Variants in LRRC37A2 observed in about 807,000 individuals in gnomAD.
The protein encoded by LRRC37A2 is leucine-rich repeat-containing protein 37A2.
Under a neutral mutation model 68.8 loss-of-function variants are expected in LRRC37A2, and 9 were observed. The observed-to-expected ratio is 0.13, with a 90% CI of 0.08 to 0.23. The LOEUF is 0.23. LRRC37A2 is among the 10% of genes least tolerant of loss of function. The pLI, the probability that LRRC37A2 is intolerant of heterozygous loss-of-function variation, is 1.00. For synonymous variants in LRRC37A2, 63 were observed against 367.6 expected, an observed-to-expected ratio of 0.17 and a Z score of 9.48; for missense variants, 168 against 950.4, an observed-to-expected ratio of 0.18 and a Z score of 10.82.
At chr17:46,769,533 T>C in the LRRC37A2 span, among the ~76,000 whole-genome samples, 1 of 152,040 alleles carries the variant, frequency 6.6e-6, no homozygotes, top group Non-Finnish European at 1.5e-5. Context: ...TGGCACCTGA[T>C]CCCACGGGGT....
At chr17:46,804,272 G>C in the LRRC37A2 span, among the ~76,000 whole-genome samples, 1 of 151,992 alleles carries the variant, frequency 6.6e-6, no homozygotes, top group African/African-American at 2.4e-5. Flanking sequence ...ATTTTTAGTA[G>C]AGACGGGGTT....
chr17:46,815,809 CT>C, the LRRC37A2 span, among the ~76,000 whole-genome samples: 2 of 152,196 alleles, frequency 1.3e-5, no homozygotes, highest in African/African-American at 4.8e-5. Flanking sequence ...CCTTGTGAGA[CT>C]TTTGCTTCCT....
chr17:46,861,890 G>A, the LRRC37A2 span, among the ~76,000 whole-genome samples: 1 of 152,214 alleles, frequency 6.6e-6, no homozygotes, highest in Non-Finnish European at 1.5e-5. Flanking sequence ...TAGGCCGGGT[G>A]CAGTGGCTCA....
chr17:46,918,833 C>T, the LRRC37A2 span, among the ~76,000 whole-genome samples: 1 of 152,214 alleles, frequency 6.6e-6, no homozygotes, highest in Non-Finnish European at 1.5e-5. Context: ...TAACTTCAAA[C>T]TGCTTGTAGT....
At chr17:46,742,578 G>A in the LRRC37A2 span, among the ~76,000 whole-genome samples, 2 of 152,150 alleles carry the variant, frequency 1.3e-5, no homozygotes, top group African/African-American at 4.8e-5. Context: ...ATAAGGGTTG[G>A]GGAGTTGCAG....
the LRRC37A2 span, among the ~76,000 whole-genome samples, chr17:46,992,293 G>C: frequency 5.9e-5 from 9 of 152,232 alleles, no homozygotes; most frequent in African/African-American, 2.2e-4. Flanking sequence ...ACTTGAACCC[G>C]GGAAGTGGAG....
At chr17:46,714,330 A>G in the LRRC37A2 span, among the ~76,000 whole-genome samples, 1 of 152,218 alleles carries the variant, frequency 6.6e-6, no homozygotes, top group Non-Finnish European at 1.5e-5. Context: ...TTCTTTCATT[A>G]TTGTACAAAG....
At chr17:47,005,292 C>G in the LRRC37A2 span, among the ~76,000 whole-genome samples, 1 of 152,144 alleles carries the variant, frequency 6.6e-6, no homozygotes, top group Admixed American at 6.6e-5. Context: ...TCCCCTTTCC[C>G]CTCCTCTGTT....
At chr17:46,923,876 A>T in the LRRC37A2 span, 55 of 398,230 alleles carry the variant, frequency 1.4e-4, no homozygotes, top group Non-Finnish European at 4.4e-5. Context: ...GTTGAGTATT[A>T]ATGGGGCCAT....
chr17:46,828,448 C>T, the LRRC37A2 span, among the ~76,000 whole-genome samples: 3 of 152,098 alleles, frequency 2.0e-5, no homozygotes, highest in Non-Finnish European at 4.4e-5. Context: ...AGCGATCCAT[C>T]CACCTCAGCC....
chr17:46,884,673 T>G, the LRRC37A2 span, among the ~76,000 whole-genome samples: 1 of 152,204 alleles, frequency 6.6e-6, no homozygotes, highest in East Asian at 1.9e-4. Context: ...TTGAATCTTA[T>G]GACAACGCTC....
the LRRC37A2 span, among the ~76,000 whole-genome samples, chr17:46,944,576 A>G: frequency 6.6e-6 from 1 of 151,186 alleles, no homozygotes; most frequent in Non-Finnish European, 1.5e-5. Context: ...TACCTGGTCT[A>G]CAGTGGGGCC....
chr17:46,840,580 G>A, the LRRC37A2 span, among the ~76,000 whole-genome samples: 1 of 152,192 alleles, frequency 6.6e-6, no homozygotes, highest in African/African-American at 2.4e-5. Context: ...TTGAGGAATT[G>A]CCATACTGTC....
At chr17:47,005,432 AGGCAGTGAT>A in the LRRC37A2 span, among the ~76,000 whole-genome samples, 167 of 152,286 alleles carry the variant, frequency 1.1e-3, no homozygotes, top group Non-Finnish European at 1.1e-3. Context: ...TGTAAAAGGA[AGGCAGTGAT>A]AGCCCTCTGC....
At chr17:46,961,650 A>G in the LRRC37A2 span, among the ~76,000 whole-genome samples, 2 of 152,244 alleles carry the variant, frequency 1.3e-5, no homozygotes, top group Non-Finnish European at 2.9e-5. Context: ...ATACGTCTGT[A>G]AAAAGATTAT....
the LRRC37A2 span, among the ~76,000 whole-genome samples, chr17:47,038,239 T>C: frequency 6.6e-6 from 1 of 152,366 alleles, no homozygotes; most frequent in Non-Finnish European, 1.5e-5. Context: ...AGATCAGGGC[T>C]GCAGTGAGCC....
the LRRC37A2 span, among the ~76,000 whole-genome samples, chr17:46,883,861 C>T: frequency 5.9e-5 from 9 of 152,214 alleles, no homozygotes; most frequent in Non-Finnish European, 1.3e-4. Context: ...ATGCCTCTCA[C>T]GCGTCTTATC....
At chr17:47,000,016 A>AATAACATAAC in the LRRC37A2 span, among the ~76,000 whole-genome samples, 2,468 of 22,362 alleles carry the variant, frequency 0.11, 293 homozygotes, top group East Asian at 0.53. Context: ...AATAAAATAA[A>AATAACATAAC]ATAAAATAAA....
At chr17:46,392,431 C>CTCTGTCTTTCTT in the LRRC37A2 span, among the ~76,000 whole-genome samples, 1 of 29,618 alleles carries the variant, frequency 3.4e-5, no homozygotes, top group African/African-American at 7.8e-5. Flanking sequence ...CTTTCTTTCT[C>CTCTGTCTTTCTT]TCTTTCTTTC....
Sources: gnomAD v4.1 joint callset for allele counts (sites outside exome capture counted in the v4.1 genomes callset) on GRCh38, gnomAD v4.1.1 for gene constraint, MANE v1.5 for transcripts, NCBI Gene and HGNC (gene_info 2026-07-23, HGNC 2026-07-21) for gene names.